The following GPR158 variants were observed in gnomAD, a reference collection of about 807,000 sequenced individuals.
The protein encoded by GPR158 is metabotropic glycine receptor.
A neutral mutation model predicts 78.2 loss-of-function variants in GPR158; 30 were observed. The ratio of observed to expected loss-of-function variants is 0.38; its 90% CI spans 0.29 to 0.52. The LOEUF (loss-of-function observed/expected upper bound fraction) is 0.52, where lower values mean the gene tolerates loss of function less well. Among genes scored for constraint, GPR158 ranks in the 20% least tolerant of loss-of-function variants. GPR158 has a pLI of 0.83. For synonymous variants in GPR158, 581 were observed against 591.1 expected (o/e 0.98, Z 0.25); for missense variants, 1,463 against 1,523.5 (o/e 0.96, Z 0.66).
chr10:25,590,612 A>G (rs1837329760), intron 8 of GPR158, among the ~76,000 whole-genome samples: 1 of 152,166 alleles, frequency 6.6e-6, no homozygotes, highest in South Asian at 2.1e-4. Flanking sequence ...CCAAGATATA[A>G]CAAACATGCT....
chr10:25,429,482 T>C (rs1021385834), intron 4 of GPR158, among the ~76,000 whole-genome samples: 17 of 152,144 alleles, frequency 1.1e-4, no homozygotes, highest in African/African-American at 3.1e-4. Flanking sequence ...TTTCTTGTTA[T>C]TGTGAAAATT....
chr10:25,388,670 G>A (rs1040589883), intron 2 of GPR158, among the ~76,000 whole-genome samples: 3 of 152,264 alleles, frequency 2.0e-5, no homozygotes, highest in Non-Finnish European at 2.9e-5. Flanking sequence ...TGGGTCTGGG[G>A]CAGTGCTGTG....
intron 5 of GPR158, among the ~76,000 whole-genome samples, chr10:25,494,966 C>T (rs1267631921): frequency 6.6e-6 from 1 of 152,108 alleles, no homozygotes; most frequent in African/African-American, 2.4e-5. Context: ...GAGCACACGT[C>T]CCATATTCCA....
At chr10:25,485,203 T>G (rs889625303) in intron 5 of GPR158, among the ~76,000 whole-genome samples, 8 of 152,062 alleles carry the variant, frequency 5.3e-5, no homozygotes. Flanking sequence ...GTAAAAGGCT[T>G]AAAAGTACAC....
At chr10:25,503,173 A>G (rs1247800463) in intron 5 of GPR158, among the ~76,000 whole-genome samples, 1 of 151,166 alleles carries the variant, frequency 6.6e-6, no homozygotes, top group African/African-American at 2.4e-5. Flanking sequence ...GGAGCTCGTG[A>G]CCAGAAGGGG....
intron 2 of GPR158, among the ~76,000 whole-genome samples, chr10:25,371,367 G>A (rs1292306030): frequency 1.3e-5 from 2 of 151,586 alleles, no homozygotes; most frequent in African/African-American, 2.4e-5. Flanking sequence ...AGGCCTGGTG[G>A]TGACAAAATC....
chr10:25,268,606 T>C (rs1288625688), intron 2 of GPR158, among the ~76,000 whole-genome samples: 1 of 152,138 alleles, frequency 6.6e-6, no homozygotes, highest in Non-Finnish European at 1.5e-5. Flanking sequence ...TTGGGAGGTA[T>C]CTTCTATGAG....
At chr10:25,232,914 G>C (rs2130697190) in intron 2 of GPR158, among the ~76,000 whole-genome samples, 1 of 152,286 alleles carries the variant, frequency 6.6e-6, no homozygotes, top group Non-Finnish European at 1.5e-5. Context: ...AAAGTGGTAG[G>C]GAAGAGTGAA....
chr10:25,339,882 G>T (rs909421362), intron 2 of GPR158, among the ~76,000 whole-genome samples: 1 of 152,102 alleles, frequency 6.6e-6, no homozygotes, highest in Non-Finnish European at 1.5e-5. Context: ...AGGTTATTTT[G>T]TGTACAGCTG....
Position 25,298,060 on chromosome 10 carries a change from G to A in GPR158, c.1008+76903G>A, listed in dbSNP as rs573640068. On this transcript the variant is annotated intron_variant, in intron 2 of 10. Transcript: ENST00000376351. ...TTGTGGGGATTGTGTTTCACAGAGT[G>A]CCTTTTGAAATATTTAAACAATAAG... Among the ~76,000 whole-genome samples the A allele has an allele frequency of 3.9e-5, 6 of 152,236 alleles. No individual in the cohort carries two copies. The South Asian group carries it at 1.2e-3, about 32-fold the overall frequency.
chr10:25,317,678 A>AT lies in GPR158; in HGVS notation c.1009-78231dup, dbSNP rs1854875524. 4.8e-5 allele frequency among the ~76,000 whole-genome samples: 7 copies of AT among 146,234 alleles called. No homozygotes were observed. In the South Asian group the frequency reaches 1.5e-3, roughly 31 times the overall value. On this transcript the variant is annotated intron_variant, in intron 2 of 10. Coordinates refer to ENST00000376351, the MANE Select transcript of GPR158 (RefSeq NM_020752.3). ...TTGTGTTTAGGTTTAAATCAGCTGAATTGTTTTGATTCTTAAATTCTGTTT... is the reference window on the plus strand; with the variant it reads ...TTGTGTTTAGGTTTAAATCAGCTGAATTTGTTTTGATTCTTAAATTCTGTTT...
At chr10:25,214,682 A>T (rs758124019) in intron 1 of GPR158, among the ~76,000 whole-genome samples, 71 of 152,006 alleles carry the variant, frequency 4.7e-4, no homozygotes, top group Non-Finnish European at 6.6e-4. Flanking sequence ...ATCTTTAAAG[A>T]AGTAAGTTAA....
At chr10:25,241,129 CTTTCTTTCTTTCTTT>C (rs1853599883) in intron 2 of GPR158, among the ~76,000 whole-genome samples, 1 of 39,140 alleles carries the variant, frequency 2.6e-5, no homozygotes, top group African/African-American at 7.3e-5. Context: ...CTTTGATTTT[CTTTCTTTCTTTCTTT>C]CTTTCTTTCT....
At chr10:25,192,765 A>T (rs896201157) in intron 1 of GPR158, among the ~76,000 whole-genome samples, 11 of 145,310 alleles carry the variant, frequency 7.6e-5, no homozygotes, top group African/African-American at 1.3e-4. Flanking sequence ...GAAGTATAAT[A>T]AAAAAAAGGT....
chr10:25,389,949 T>A (rs1467554483), intron 2 of GPR158, among the ~76,000 whole-genome samples: 1 of 152,204 alleles, frequency 6.6e-6, no homozygotes, highest in East Asian at 1.9e-4. Context: ...AATTGAATCA[T>A]GGGAGCAGGT....
chr10:25,544,702 G>T (rs542874959), intron 5 of GPR158, among the ~76,000 whole-genome samples: 2 of 152,092 alleles, frequency 1.3e-5, no homozygotes, highest in African/African-American at 4.8e-5. Context: ...TAAAATATAT[G>T]TTTATATATA....
intron 6 of GPR158, among the ~76,000 whole-genome samples, chr10:25,553,244 T>C (rs2130714401): frequency 6.6e-6 from 1 of 152,296 alleles, no homozygotes; most frequent in African/African-American, 2.4e-5. Context: ...AGTATGCAAA[T>C]GATTGCAATT....
intron 2 of GPR158, among the ~76,000 whole-genome samples, chr10:25,337,048 C>T (rs1222705504): frequency 6.6e-6 from 1 of 152,034 alleles, no homozygotes; most frequent in Non-Finnish European, 1.5e-5. Flanking sequence ...AGATACTTAA[C>T]ATTTTATACA....
In GPR158 at chr10:25,310,195, A is replaced by G. The variant is rs1203752422; in HGVS notation, c.1009-85716A>G. On this transcript the variant is annotated intron_variant, in intron 2 of 10. Coordinates refer to ENST00000376351, the MANE Select transcript of GPR158 (RefSeq NM_020752.3). ...TGAGTAGCATTGGCAACTTGTTGAA[A>G]ATCATTTGACCATATACGTAAAGGT... Among the ~76,000 whole-genome samples, 5 of 152,270 alleles carry G rather than the reference A, an allele frequency of 3.3e-5. No homozygotes were observed. In the East Asian group the frequency reaches 5.8e-4, roughly 18 times the overall value.
Sources: allele counts gnomAD v4.1 joint callset (sites outside exome capture counted in the v4.1 genomes callset), GRCh38; gene constraint gnomAD v4.1.1; transcripts MANE v1.5; gene names NCBI Gene and HGNC (gene_info 2026-07-23, HGNC 2026-07-21).